Variants in FHIT observed in about 807,000 individuals in gnomAD.
FHIT encodes bis(5'-adenosyl)-triphosphatase.
Under a neutral mutation model 17.9 loss-of-function variants are expected in FHIT, and 19 were observed. The ratio of observed to expected loss-of-function variants is 1.06; its 90% CI spans 0.74 to 1.56. The LOEUF (loss-of-function observed/expected upper bound fraction) is 1.56. Ranked by LOEUF, FHIT falls within the 40% of genes most tolerant of loss-of-function variation. The pLI is 0.00. For missense variants in FHIT, 248 were observed against 189.2 expected, an observed-to-expected ratio of 1.31 and a Z score of -1.82; for synonymous variants, 81 against 69.7, an observed-to-expected ratio of 1.16 and a Z score of -0.81.
At chr3:60,765,298 G>T (rs1699812117) in intron 4 of FHIT, among the ~76,000 whole-genome samples, 1 of 152,188 alleles carries the variant, frequency 6.6e-6, no homozygotes. Context: ...AGGGAGTTTA[G>T]ACACCAAGAG....
At chr3:60,506,400 T>C (rs2034731481) in intron 5 of FHIT, among the ~76,000 whole-genome samples, 1 of 152,176 alleles carries the variant, frequency 6.6e-6, no homozygotes, top group South Asian at 2.1e-4. Context: ...ATTACAGAGA[T>C]TGTGTTTGGC....
At chr3:60,499,910 G>C (rs1445161206) in intron 5 of FHIT, among the ~76,000 whole-genome samples, 1 of 152,054 alleles carries the variant, frequency 6.6e-6, no homozygotes, top group East Asian at 1.9e-4. Flanking sequence ...ATTCAGAATA[G>C]AAAATCATGT....
chr3:60,834,375 C>T (rs1702447275), intron 3 of FHIT, among the ~76,000 whole-genome samples: 1 of 152,146 alleles, frequency 6.6e-6, no homozygotes, highest in Non-Finnish European at 1.5e-5. Flanking sequence ...AACATCTTTT[C>T]ATGTGCTTAT....
In FHIT at chr3:60,061,690, A is replaced by G. The variant is rs543970028; in HGVS notation, c.104-47538T>C. Among the ~76,000 whole-genome samples, 9 of 152,320 alleles carry G rather than the reference A, an allele frequency of 5.9e-5. No individual in the cohort carries two copies. The East Asian group carries it at 1.7e-3, about 29-fold the overall frequency. ...AATATTGCAAGTCAAGTAAACAGAG[A>G]GGGTTCTTTGCTCAAAACATTAATT... On this transcript the variant is annotated intron_variant, in intron 5 of 9. Transcript: ENST00000492590.
intron 4 of FHIT, among the ~76,000 whole-genome samples, chr3:60,810,398 C>CA (rs1701538231): frequency 6.6e-6 from 1 of 152,128 alleles, no homozygotes; most frequent in Non-Finnish European, 1.5e-5. Context: ...GCCTCTTTCC[C>CA]ATAGGAGCGA....
intron 5 of FHIT, among the ~76,000 whole-genome samples, chr3:60,421,973 G>C (rs1284801105): frequency 1.3e-5 from 2 of 152,172 alleles, no homozygotes; most frequent in African/African-American, 4.8e-5. Context: ...AAAGGTAAAA[G>C]ATTAGAGATT....
In FHIT at chr3:60,826,818, G is replaced by T. The variant is rs554838958; in HGVS notation, c.-110-4807C>A. ...CATTTACAGACAAAGTAAACCAAGG[G>T]TACACCATGGACATCTTTTCAACCT... On this transcript the variant is annotated intron_variant, in intron 3 of 9. Transcript: ENST00000492590. Among the ~76,000 whole-genome samples, 6 of 152,206 alleles carry T rather than the reference G, an allele frequency of 3.9e-5. No individual in the cohort carries two copies. In the East Asian group the frequency reaches 1.2e-3, roughly 29 times the overall value.
chr3:60,507,921 C>T (rs1165543396), intron 5 of FHIT, among the ~76,000 whole-genome samples: 1 of 152,080 alleles, frequency 6.6e-6, no homozygotes, highest in Non-Finnish European at 1.5e-5. Flanking sequence ...TCCAGTCTAC[C>T]ACTGATGAGC....
At chr3:61,014,846 GTA>G (rs1400400881) in intron 3 of FHIT, among the ~76,000 whole-genome samples, 24 of 120,606 alleles carry the variant, frequency 2.0e-4, no homozygotes, top group African/African-American at 2.5e-4. Flanking sequence ...CCTTATATAT[GTA>G]TATATATGTA....
intron 5 of FHIT, among the ~76,000 whole-genome samples, chr3:60,392,569 A>C (rs1701274693): frequency 6.6e-6 from 1 of 152,158 alleles, no homozygotes; most frequent in African/African-American, 2.4e-5. Flanking sequence ...CTGACTGAAA[A>C]ACTAAAGCTG....
At chr3:60,511,280 A>G (rs1389982708) in intron 5 of FHIT, among the ~76,000 whole-genome samples, 3 of 152,318 alleles carry the variant, frequency 2.0e-5, no homozygotes, top group East Asian at 1.9e-4. Flanking sequence ...AATATTACCT[A>G]TAATTACCAC....
chr3:61,029,628 A>C (rs187637267), intron 3 of FHIT, among the ~76,000 whole-genome samples: 104 of 152,346 alleles, frequency 6.8e-4, no homozygotes, highest in African/African-American at 2.4e-3. Context: ...TTTACCAAAA[A>C]GTTTCTAAAT....
At chr3:60,199,934 C>T (rs912028220) in intron 5 of FHIT, among the ~76,000 whole-genome samples, 1 of 152,112 alleles carries the variant, frequency 6.6e-6, no homozygotes, top group Non-Finnish European at 1.5e-5. Context: ...ATTGCCTTAA[C>T]TGAGATGACA....
At chr3:60,588,092 G>A (rs891231652) in intron 4 of FHIT, among the ~76,000 whole-genome samples, 15 of 151,908 alleles carry the variant, frequency 9.9e-5, no homozygotes, top group African/African-American at 3.6e-4. Flanking sequence ...TGCTCTTAGA[G>A]ACAAATTACC....
intron 5 of FHIT, among the ~76,000 whole-genome samples, chr3:60,334,212 T>G (rs6779494): frequency 1.3e-5 from 2 of 152,204 alleles, no homozygotes; most frequent in South Asian, 4.1e-4. Flanking sequence ...TATAGTTATA[T>G]GCTGAGCCAA....
At chr3:61,092,336 G>A (rs930694497) in intron 2 of FHIT, among the ~76,000 whole-genome samples, 15 of 152,126 alleles carry the variant, frequency 9.9e-5, no homozygotes, top group Non-Finnish European at 1.8e-4. Context: ...ACATCCCAAC[G>A]ACCCACTACG....
chr3:60,896,746 C>T (rs1553762050), intron 3 of FHIT, among the ~76,000 whole-genome samples: 1 of 152,082 alleles, frequency 6.6e-6, no homozygotes, highest in Non-Finnish European at 1.5e-5. Context: ...ATCATGTCAT[C>T]CATTTGATAT....
At position 60,290,641 on chromosome 3, in the gene FHIT, G is replaced by A. The variant is rs188261665; in HGVS notation, c.103+246219C>T. The stretch of plus-strand genomic sequence containing the variant: ...CCTTATCAAGGAAAGGTCTAGAAAA[G>A]GAATATGAAACCATTTTTTTCTAGT... On this transcript the variant is annotated intron_variant, in intron 5 of 9. Transcript: ENST00000492590. 6.7e-4 allele frequency among the ~76,000 whole-genome samples: 102 copies of A among 152,240 alleles called. 3 individuals carry two copies. Among genetic ancestry groups the A allele is most frequent in the East Asian group, 3.3e-3 (17 of 5,176 alleles).
chr3:60,554,958 C>T (rs1236054798), intron 4 of FHIT, among the ~76,000 whole-genome samples: 2 of 152,128 alleles, frequency 1.3e-5, no homozygotes, highest in Admixed American at 6.5e-5. Context: ...AGACTTACTC[C>T]TATTTTAAGT....
Sources: allele counts gnomAD v4.1 joint callset (sites outside exome capture counted in the v4.1 genomes callset), GRCh38; gene constraint gnomAD v4.1.1; transcripts MANE v1.5; gene names NCBI Gene and HGNC (gene_info 2026-07-23, HGNC 2026-07-21).